Variants in BDP1 observed in about 807,000 individuals in gnomAD.
BDP1 encodes the protein transcription factor TFIIIB component B'' homolog.
In BDP1, 169 loss-of-function variants were observed where a neutral mutation model predicts 266.6. The observed-to-expected ratio is 0.63, with a 90% CI of 0.56 to 0.72. The LOEUF is 0.72. Among genes scored for constraint, BDP1 ranks in the 30% least tolerant of loss-of-function variants. The pLI is 0.00. For synonymous variants in BDP1, 1,090 were observed against 1,022.4 expected (o/e 1.07, Z -1.26); for missense variants, 3,015 against 3,053.8 (o/e 0.99, Z 0.30).
intron 38 of BDP1, among the ~76,000 whole-genome samples, chr5:71,563,705 G>C (rs945199577): frequency 7.2e-5 from 11 of 152,160 alleles, no homozygotes; most frequent in Admixed American, 3.3e-4. Context: ...CTGAGGTGAG[G>C]AGTTTGAGAC....
rs1158021149 is a variant in BDP1 at position 71,565,307 on chromosome 5, T to C, written c.*422T>C. 1 of 155,482 alleles carries C rather than the reference T, an allele frequency of 6.4e-6. No individual in the cohort carries two copies. The highest frequency in any genetic ancestry group is 1.4e-5 in the Non-Finnish European group (1 of 70,240). 9.6% of individuals were successfully genotyped at this position (155,482 alleles called of 1,614,324 possible). The stretch of plus-strand genomic sequence containing the variant: ...AAGATTTTTTATTTTTAGGGGGAGA[T>C]GATGAAGGATGAAGGCTTTTTCATT... On this transcript the variant is annotated 3_prime_UTR_variant, in exon 39 of 39. Coordinates refer to ENST00000358731, the MANE Select transcript of BDP1 (RefSeq NM_018429.3).
Position 71,468,886 on chromosome 5 carries a change from C to T in BDP1, c.919+1399C>T, listed in dbSNP as rs553306706. ...CCTCCCAAAGTGCTGGGATTACACG[C>T]GTGAGCCACTGTGCCCAGCCAACAA... On this transcript the variant is annotated intron_variant, in intron 6 of 38. Transcript: ENST00000358731. 2.2e-4 allele frequency among the ~76,000 whole-genome samples: 34 copies of T among 152,104 alleles called. No individual in the cohort carries two copies. In the East Asian group the frequency reaches 5.8e-3, roughly 26 times the overall value.
intron 36 of BDP1, 65 bp from the exon 37 acceptor site, chr5:71,559,917 G>T (rs1743505803): frequency 6.6e-7 from 1 of 1,525,154 alleles, no homozygotes; most frequent in African/African-American, 1.4e-5. Context: ...CTTTTCAAAT[G>T]CTGGGATTAC....
chr5:71,544,904 A>AAAAG lies in BDP1; in HGVS notation c.6564-133_6564-132insAGAA, dbSNP rs375850328. Reference sequence around the variant, plus strand: ...CAAAAAAAAAAAAAAAAAAAAAAAAAAAGTCCTATTGCATTAAATATGTTT... The same window carrying AAAAG: ...CAAAAAAAAAAAAAAAAAAAAAAAAAAAAGAAGTCCTATTGCATTAAATATGTTT... On this transcript the variant is annotated intron_variant, in intron 31 of 38. Transcript: ENST00000358731. 0.1 allele frequency: 44,804 copies of AAAAG among 436,108 alleles called. 7,617 individuals are homozygous for AAAAG. The highest frequency in any genetic ancestry group is 0.17 in the African/African-American group (6,037 of 35,154). 27.0% of individuals were successfully genotyped at this position (436,108 alleles called of 1,614,324 possible). A position where few individuals can be genotyped will look rare whatever the true frequency, so the allele number is the denominator to read the frequency against.
intron 32 of BDP1, among the ~76,000 whole-genome samples, chr5:71,547,586 G>C (rs1343251615): frequency 6.6e-6 from 1 of 152,184 alleles, no homozygotes; most frequent in Non-Finnish European, 1.5e-5. Context: ...TTACCCTGTA[G>C]TTTTAATATC....
At chr5:71,497,888 A>G (rs1407385675) in intron 13 of BDP1, among the ~76,000 whole-genome samples, 5 of 152,162 alleles carry the variant, frequency 3.3e-5, no homozygotes, top group Non-Finnish European at 7.4e-5. Context: ...TCCTGAGCTC[A>G]AGTGATTCTC....
At chr5:71,544,207 T>G in intron 30 of BDP1, 150 bp from the exon 31 acceptor site, 1 of 593,508 alleles carries the variant, frequency 1.7e-6, no homozygotes, top group Non-Finnish European at 2.8e-6. Flanking sequence ...TAGGACTTTC[T>G]GCCATGTGTA....
intron 34 of BDP1, among the ~76,000 whole-genome samples, chr5:71,551,896 C>A (rs561903673): frequency 6.9e-6 from 1 of 145,932 alleles, no homozygotes; most frequent in African/African-American, 2.6e-5. Flanking sequence ...GCTGGCCAGG[C>A]GGGGGGCTGA....
At chr5:71,516,419 T>C in intron 21 of BDP1, 148 bp downstream of exon 21, 1 of 599,692 alleles carries the variant, frequency 1.7e-6, no homozygotes. Flanking sequence ...TTTGCTCTTC[T>C]GGATTTTTTT....
intron 13 of BDP1, among the ~76,000 whole-genome samples, chr5:71,499,903 T>G (rs1764126059): frequency 6.6e-6 from 1 of 152,208 alleles, no homozygotes; most frequent in Non-Finnish European, 1.5e-5. Flanking sequence ...GTTTTAAATA[T>G]TTTTGTGATT....
chr5:71,534,644 C>T (rs1039832018), intron 26 of BDP1, among the ~76,000 whole-genome samples: 14 of 151,976 alleles, frequency 9.2e-5, no homozygotes, highest in African/African-American at 2.7e-4. Context: ...GGACTACAGG[C>T]GCCCACCACA....
rs1762884906 is a variant in BDP1, at chr5:71,480,490, G to A, written c.1015-3352G>A. ...TCATCACGTTGGCCAGGCTGGTCTC[G>A]AACTCCTGACCTCAAGTGATCCACC... On this transcript the variant is annotated intron_variant, in intron 7 of 38. Transcript: ENST00000358731. Among the ~76,000 whole-genome samples, 3 of 151,154 alleles carry A rather than the reference G, an allele frequency of 2.0e-5. 1 individual carries two copies. The highest frequency in any genetic ancestry group is 6.8e-3 in the Middle Eastern group (2 of 292).
In BDP1 at chr5:71,455,753, C is replaced by A; in HGVS notation, c.-125C>A. 1.3e-6 allele frequency: 1 copy of A among 784,330 alleles called. No individual in the cohort carries two copies. 48.6% of individuals were successfully genotyped at this position (784,330 alleles called of 1,614,324 possible). ...CGGGGCAGTGAAACTACGGTAGCTG[C>A]CCCCTGAGCTGGTGGTGTGGCTTTG... is the stretch of plus-strand genomic sequence containing the variant. On this transcript the variant is annotated 5_prime_UTR_variant, in exon 1 of 39. Transcript: ENST00000358731.
chr5:71,507,960 G>A (rs1049200575), intron 16 of BDP1, among the ~76,000 whole-genome samples: 1 of 152,142 alleles, frequency 6.6e-6, no homozygotes, highest in Non-Finnish European at 1.5e-5. Context: ...GCATACTTTT[G>A]TTGTTTTGTT....
At chr5:71,517,476 AAAT>A in intron 22 of BDP1, 24 bp downstream of exon 22, 1 of 1,539,954 alleles carries the variant, frequency 6.5e-7, no homozygotes, top group Non-Finnish European at 8.7e-7. Context: ...TAATGAGAAA[AAAT>A]AAGACTTTTC....
chr5:71,463,687 G>T (rs1244038048), intron 3 of BDP1, among the ~76,000 whole-genome samples: 1 of 151,972 alleles, frequency 6.6e-6, no homozygotes, highest in African/African-American at 2.4e-5. Context: ...AATTAGCCTG[G>T]TGTGGTGGCA....
intron 36 of BDP1, 100 bp from the exon 37 acceptor site, chr5:71,559,880 AGG>A: frequency 8.8e-7 from 1 of 1,136,886 alleles, no homozygotes. Flanking sequence ...TTATTAGGGT[AGG>A]TTTATTATAG....
In BDP1 at chr5:71,466,139, G is replaced by A. The variant is rs1322711069; in HGVS notation, c.703G>A (p.Glu235Lys). ...STPNAEDNEM[E>K]EETDDGPLLV... ...TCCTAATGCTGAAGATAATGAAATG[G>A]AAGAAGAGACAGATGATGGGCCATT... The change falls in exon 5 of 39, where the codon GAA becomes AAA. Residue 235 changes from glutamate to lysine, a missense_variant. Physicochemically the swap from Glu to Lys is moderately conservative, Grantham distance 56. Coordinates refer to ENST00000358731, the MANE Select transcript of BDP1 (RefSeq NM_018429.3). 1 of 1,613,782 alleles carries A rather than the reference G, an allele frequency of 6.2e-7. No individual in the cohort carries two copies. The highest frequency in any genetic ancestry group is 1.1e-5 in the South Asian group (1 of 91,064).
At chr5:71,528,456 A>G (rs577874155) in intron 25 of BDP1, among the ~76,000 whole-genome samples, 2 of 152,226 alleles carry the variant, frequency 1.3e-5, no homozygotes, top group African/African-American at 2.4e-5. Context: ...GTAAGCATTC[A>G]TGATAGTTTC....
Sources: allele counts gnomAD v4.1 joint callset (sites outside exome capture counted in the v4.1 genomes callset), GRCh38; gene constraint gnomAD v4.1.1; transcripts MANE v1.5; gene names NCBI Gene and HGNC (gene_info 2026-07-23, HGNC 2026-07-21).